The following CHRM3 variants were observed in gnomAD, a reference collection of about 807,000 sequenced individuals.
CHRM3 encodes muscarinic acetylcholine receptor M3.
A neutral mutation model predicts 41.8 loss-of-function variants in CHRM3; 11 were observed. The observed-to-expected ratio is 0.26, with a 90% CI of 0.17 to 0.44. CHRM3 has a LOEUF of 0.44. Among genes scored for constraint, CHRM3 ranks in the 20% least tolerant of loss-of-function variants. CHRM3 has a pLI of 1.00. For synonymous variants in CHRM3, 297 were observed against 301.4 expected (o/e 0.99, Z 0.15); for missense variants, 571 against 745.4 (o/e 0.77, Z 2.72).
chr1:239,443,190 C>T (rs1663861837), intron 1 of CHRM3, among the ~76,000 whole-genome samples: 1 of 152,078 alleles, frequency 6.6e-6, no homozygotes, highest in African/African-American at 2.4e-5. Flanking sequence ...CAATATTTGT[C>T]TTTGCTCATG....
At chr1:239,638,028 T>C (rs533008951) in intron 4 of CHRM3, among the ~76,000 whole-genome samples, 1 of 151,014 alleles carries the variant, frequency 6.6e-6, no homozygotes, top group East Asian at 2.0e-4. Context: ...TTTTTTGTTC[T>C]TGCAATAGTT....
rs556664256 is a variant in CHRM3 at position 239,737,845 on chromosome 1, A to G, written c.-147+59557A>G. Among the ~76,000 whole-genome samples, 6 of 152,310 alleles carry G rather than the reference A, an allele frequency of 3.9e-5. No homozygotes were observed. In the South Asian group the frequency reaches 1.2e-3, roughly 32 times the overall value. ...TAAGATATCTGATTAGATCTCAGAG[A>G]GTCAACAACTGAAGCAAGCTGATCT... is the stretch of plus-strand genomic sequence containing the variant. On this transcript the variant is annotated intron_variant, in intron 5 of 6. Coordinates refer to ENST00000676153, the MANE Select transcript of CHRM3 (RefSeq NM_001375978.1).
At chr1:239,766,618 G>T (rs545559070) in intron 5 of CHRM3, among the ~76,000 whole-genome samples, 1 of 152,040 alleles carries the variant, frequency 6.6e-6, no homozygotes, top group Non-Finnish European at 1.5e-5. Flanking sequence ...CAGGATATCT[G>T]TCTATAGATA....
chr1:239,823,684 T>G (rs577932749), intron 5 of CHRM3, among the ~76,000 whole-genome samples: 2 of 152,258 alleles, frequency 1.3e-5, no homozygotes, highest in Admixed American at 1.3e-4. Context: ...ATAAATGATT[T>G]TTCTCATCAG....
chr1:239,454,022 A>C (rs1040753106), intron 1 of CHRM3, among the ~76,000 whole-genome samples: 4 of 152,198 alleles, frequency 2.6e-5, no homozygotes, highest in African/African-American at 7.2e-5. Context: ...TACCCTCAAC[A>C]CTCAACACTC....
chr1:239,519,990 G>T (rs1411364439), intron 2 of CHRM3, among the ~76,000 whole-genome samples: 1 of 151,874 alleles, frequency 6.6e-6, no homozygotes, highest in Non-Finnish European at 1.5e-5. Context: ...CTCGTGATCT[G>T]CTCGCCTCGG....
At chr1:239,709,006 T>C (rs912661170) in intron 5 of CHRM3, among the ~76,000 whole-genome samples, 157 of 152,038 alleles carry the variant, frequency 1.0e-3, no homozygotes, top group African/African-American at 3.7e-3. Context: ...TTCCACCCCC[T>C]CCCCAGTTAG....
chr1:239,648,934 TAGTCTTATTG>T (rs1400674321), intron 4 of CHRM3, among the ~76,000 whole-genome samples: 1 of 152,154 alleles, frequency 6.6e-6, no homozygotes, highest in East Asian at 1.9e-4. Flanking sequence ...CATATATCCA[TAGTCTTATTG>T]AGTCACAGTA....
chr1:239,428,858 G>A (rs1246687004), intron 1 of CHRM3, among the ~76,000 whole-genome samples: 1 of 152,110 alleles, frequency 6.6e-6, no homozygotes, highest in East Asian at 1.9e-4. Context: ...GTGTTTCCTT[G>A]TCAGCTTTTT....
chr1:239,697,021 A>G (rs1660258903), intron 5 of CHRM3, among the ~76,000 whole-genome samples: 2 of 152,240 alleles, frequency 1.3e-5, no homozygotes, highest in Non-Finnish European at 2.9e-5. Flanking sequence ...TATAGTAAGC[A>G]CAGGGAACTA....
chr1:239,719,279 T>C (rs1662696913), intron 5 of CHRM3, among the ~76,000 whole-genome samples: 1 of 151,972 alleles, frequency 6.6e-6, no homozygotes, highest in Non-Finnish European at 1.5e-5. Flanking sequence ...GCAGAATTAG[T>C]CCCCTGCTCT....
intron 6 of CHRM3, chr1:239,897,908 C>T (rs1379544343): frequency 6.6e-6 from 1 of 152,146 alleles, no homozygotes; most frequent in African/African-American, 2.4e-5. Flanking sequence ...TCCAAGCACC[C>T]TGCATTGTTG....
intron 3 of CHRM3, among the ~76,000 whole-genome samples, chr1:239,564,349 C>T (rs186157600): frequency 5.9e-5 from 9 of 152,030 alleles, no homozygotes; most frequent in Non-Finnish European, 1.2e-4. Context: ...GATAAGAGAA[C>T]TGGAATGGAA....
At chr1:239,602,597 TC>T (rs1228448796) in intron 3 of CHRM3, among the ~76,000 whole-genome samples, 1 of 152,182 alleles carries the variant, frequency 6.6e-6, no homozygotes, top group Non-Finnish European at 1.5e-5. Context: ...TGGAAGTTGT[TC>T]CTATGTAGGG....
At chr1:239,436,864 G>A (rs140797280) in intron 1 of CHRM3, among the ~76,000 whole-genome samples, 3 of 151,796 alleles carry the variant, frequency 2.0e-5, no homozygotes, top group African/African-American at 7.3e-5. Flanking sequence ...CTGTTACTCC[G>A]TCTTCATGGG....
intron 5 of CHRM3, among the ~76,000 whole-genome samples, chr1:239,760,480 C>T (rs1666664181): frequency 6.6e-6 from 1 of 152,156 alleles, no homozygotes; most frequent in Non-Finnish European, 1.5e-5. Context: ...GCCTGTTCGT[C>T]TACCTTTTTG....
intron 3 of CHRM3, among the ~76,000 whole-genome samples, chr1:239,622,870 G>T (rs1272043260): frequency 6.6e-6 from 1 of 152,118 alleles, no homozygotes; most frequent in Non-Finnish European, 1.5e-5. Context: ...AGCATCACAT[G>T]CAACTTGAGG....
rs141692735 is a variant in CHRM3 at position 239,670,673 on chromosome 1, G to A, written c.-249-7513G>A. ...TTCCCAAGCAGCTGGGATTACAGGC[G>A]TGCTCCACCACACCCAGCTAATTTT... On this transcript the variant is annotated intron_variant, in intron 4 of 6. Transcript: ENST00000676153. Among the ~76,000 whole-genome samples the A allele has an allele frequency of 4.8e-3, 727 of 152,056 alleles. 3 individuals carry two copies. Among genetic ancestry groups the A allele is most frequent in the African/African-American group, 0.017 (701 of 41,490 alleles).
intron 6 of CHRM3, among the ~76,000 whole-genome samples, chr1:239,893,321 A>G (rs547064006): frequency 2.0e-5 from 3 of 152,350 alleles, no homozygotes; most frequent in African/African-American, 7.2e-5. Flanking sequence ...GGAATGAGAG[A>G]GGCAAGGGCA....
Sources: allele counts gnomAD v4.1 joint callset (sites outside exome capture counted in the v4.1 genomes callset), GRCh38; gene constraint gnomAD v4.1.1; transcripts MANE v1.5; gene names NCBI Gene and HGNC (gene_info 2026-07-23, HGNC 2026-07-21).